Variants in TENM1 observed in about 807,000 individuals in gnomAD.
TENM1 encodes teneurin-1.
In TENM1, 35 loss-of-function variants were observed where a neutral mutation model predicts 174.8. The observed-to-expected ratio is 0.20, with a 90% CI of 0.15 to 0.27. The LOEUF (loss-of-function observed/expected upper bound fraction) is 0.27. Ranked by LOEUF, TENM1 falls within the 10% of genes least tolerant of loss-of-function variation. TENM1 has a pLI of 1.00. For synonymous variants in TENM1, 781 were observed against 798.7 expected (o/e 0.98, Z 0.37); for missense variants, 1,633 against 2,130.1 (o/e 0.77, Z 4.59).
chrX:124,534,766 TG>T (rs1205584468), intron 15 of TENM1, among the ~76,000 whole-genome samples: 1 of 111,490 alleles, frequency 9.0e-6, no homozygotes, highest in Non-Finnish European at 1.9e-5. Context: ...TGAGAAGGAC[TG>T]GGCTGAGAGA....
At chrX:125,032,173 AT>A in the TENM1 span, among the ~76,000 whole-genome samples, 485 of 100,819 alleles carry the variant, frequency 4.8e-3, 2 homozygotes, top group African/African-American at 8.1e-3. Context: ...TTTTTAAATC[AT>A]TTTTTTTTTT....
chrX:124,495,420 G>C (rs1434765832), intron 20 of TENM1, among the ~76,000 whole-genome samples: 1 of 108,025 alleles, frequency 9.3e-6, no homozygotes, highest in Non-Finnish European at 1.9e-5. Flanking sequence ...TTAGCCCTTT[G>C]TCAGATGAGT....
At chrX:124,673,527 T>C (rs1272827626) in intron 5 of TENM1, among the ~76,000 whole-genome samples, 3 of 111,405 alleles carry the variant, frequency 2.7e-5, no homozygotes, top group South Asian at 3.8e-4. Context: ...GAAGAATGAA[T>C]TGGAGACCTA....
chrX:125,059,910 A>G, the TENM1 span, among the ~76,000 whole-genome samples: 1 of 110,410 alleles, frequency 9.1e-6, no homozygotes, highest in Non-Finnish European at 1.9e-5. Flanking sequence ...AGATATGATT[A>G]ACATTTAAGT....
At chrX:124,532,266 G>C (rs1167489553) in intron 15 of TENM1, among the ~76,000 whole-genome samples, 1 of 111,641 alleles carries the variant, frequency 9.0e-6, no homozygotes, top group Non-Finnish European at 1.9e-5. Flanking sequence ...GCTGTACTAG[G>C]CTCAATTATT....
chrX:125,077,697 A>C, the TENM1 span, among the ~76,000 whole-genome samples: 1 of 111,291 alleles, frequency 9.0e-6, no homozygotes, highest in South Asian at 3.8e-4. Context: ...AAAAATTAGA[A>C]ATGATCAGGA....
At chrX:124,411,425 C>G (rs1026809326) in intron 25 of TENM1, among the ~76,000 whole-genome samples, 2 of 111,029 alleles carry the variant, frequency 1.8e-5, no homozygotes, top group Non-Finnish European at 3.8e-5. Context: ...TCCCATGGGT[C>G]TGTCCAGTTG....
At chrX:125,163,662 TATGG>T in the TENM1 span, among the ~76,000 whole-genome samples, 2 of 111,784 alleles carry the variant, frequency 1.8e-5, no homozygotes, top group African/African-American at 3.2e-5. Context: ...TGTTTTCCAA[TATGG>T]ATTATTTTTA....
chrX:124,836,535 A>G (rs1217778931), intron 3 of TENM1, among the ~76,000 whole-genome samples: 1 of 112,176 alleles, frequency 8.9e-6, no homozygotes, highest in African/African-American at 3.2e-5. Context: ...AAAATTTATA[A>G]AGATTGAAAA....
chrX:124,582,080 C>T (rs914959404), intron 11 of TENM1, among the ~76,000 whole-genome samples: 1 of 110,948 alleles, frequency 9.0e-6, no homozygotes, highest in Non-Finnish European at 1.9e-5. Context: ...TGTTCCCCCC[C>T]ATGTCCATGT....
chrX:124,959,358 C>G (rs181490570), intron 1 of TENM1, among the ~76,000 whole-genome samples: 51 of 111,512 alleles, frequency 4.6e-4, no homozygotes, highest in African/African-American at 1.6e-3. Context: ...GTTCCCGGGT[C>G]TGTATACTTT....
the TENM1 span, among the ~76,000 whole-genome samples, chrX:124,988,363 C>T: frequency 2.7e-5 from 3 of 111,636 alleles, no homozygotes; most frequent in Non-Finnish European, 5.7e-5. Flanking sequence ...ACAGAACTGG[C>T]ACAAGAAGCT....
exon 24 of TENM1, chrX:124,422,609 T>A (rs144694853): frequency 1.7e-6 from 2 of 1,210,023 alleles, no homozygotes; most frequent in Non-Finnish European, 2.2e-6. Flanking sequence ...TAGGATTTAC[T>A]GCAAGGTCTG....
At chrX:124,894,841 T>G (rs944913433) in intron 2 of TENM1, among the ~76,000 whole-genome samples, 2 of 111,915 alleles carry the variant, frequency 1.8e-5, no homozygotes, top group African/African-American at 6.5e-5. Context: ...TCCTAATGCC[T>G]TTCACTTACA....
At chrX:125,035,194 T>C in the TENM1 span, among the ~76,000 whole-genome samples, 1 of 111,279 alleles carries the variant, frequency 9.0e-6, no homozygotes, top group Non-Finnish European at 1.9e-5. Context: ...ATGGATAGCA[T>C]AAAGGCCAGT....
At chrX:125,103,860 C>T in the TENM1 span, among the ~76,000 whole-genome samples, 7 of 111,691 alleles carry the variant, frequency 6.3e-5, no homozygotes, top group East Asian at 1.4e-3. Context: ...GTGGCACTCA[C>T]CTGTAGTCCC....
intron 11 of TENM1, among the ~76,000 whole-genome samples, chrX:124,628,923 G>A (rs965623408): frequency 2.7e-5 from 3 of 111,307 alleles, no homozygotes; most frequent in African/African-American, 9.8e-5. Context: ...TCTTCATTTC[G>A]CCTATAGTGA....
chrX:124,827,324 C>T (rs748322169), intron 3 of TENM1, among the ~76,000 whole-genome samples: 54 of 112,041 alleles, frequency 4.8e-4, no homozygotes, highest in African/African-American at 1.7e-3. Flanking sequence ...GCTGGGATTA[C>T]AGGCATGAGT....
chrX:124,708,552 G>A (rs961748177), intron 4 of TENM1, among the ~76,000 whole-genome samples: 1 of 111,271 alleles, frequency 9.0e-6, no homozygotes, highest in Non-Finnish European at 1.9e-5. Flanking sequence ...TAAATGCCCA[G>A]TAATTGCTAT....
Sources: gnomAD v4.1 joint callset for allele counts (sites outside exome capture counted in the v4.1 genomes callset) on GRCh38, gnomAD v4.1.1 for gene constraint, MANE v1.5 for transcripts, NCBI Gene and HGNC (gene_info 2026-07-23, HGNC 2026-07-21) for gene names.